The following TSNAX variants were observed in gnomAD, a reference collection of about 807,000 sequenced individuals.
The protein encoded by TSNAX is translin-associated protein X.
A neutral mutation model predicts 33.0 loss-of-function variants in TSNAX; 12 were observed. That is an observed-to-expected ratio of 0.36 (90% CI 0.23 to 0.59). The LOEUF (loss-of-function observed/expected upper bound fraction) is 0.59. TSNAX is among the 20% of genes least tolerant of loss of function. TSNAX has a pLI of 0.74. For missense variants in TSNAX, 267 were observed against 341.3 expected (o/e 0.78, Z 1.72); for synonymous variants, 110 against 117.2 (o/e 0.94, Z 0.40).
chr1:231,532,619 TAATA>T (rs1053242236), intron 2 of TSNAX, among the ~76,000 whole-genome samples: 3 of 152,194 alleles, frequency 2.0e-5, no homozygotes, highest in African/African-American at 7.2e-5. Flanking sequence ...TTTATATTAT[TAATA>T]TATGTGGTTA....
At chr1:231,556,120 T>C (rs1257269111) in intron 4 of TSNAX, among the ~76,000 whole-genome samples, 1 of 152,214 alleles carries the variant, frequency 6.6e-6, no homozygotes, top group African/African-American at 2.4e-5. Context: ...CATTTGTCCA[T>C]GGAAGAAAAA....
intron 4 of TSNAX, among the ~76,000 whole-genome samples, chr1:231,558,733 A>C (rs1177206383): frequency 6.6e-6 from 1 of 152,144 alleles, no homozygotes; most frequent in African/African-American, 2.4e-5. Flanking sequence ...GGTGTCACCT[A>C]TTCATAAAAC....
chr1:231,561,196 GA>G lies in TSNAX; in HGVS notation c.437del (p.Asp146ValfsTer7), dbSNP rs1291666026. 1 of 1,595,100 alleles carries G rather than the reference GA, an allele frequency of 6.3e-7. No individual in the cohort carries two copies. The highest frequency in any genetic ancestry group is 8.6e-7 in the Non-Finnish European group (1 of 1,165,316). ...FIKTRSLISM[D>X]EINKQLIFTT... ...CAAAACACGATCATTAATTAGTATG[GA>G]TGAAATTAATAAACAATTGATATTT... On this transcript the variant is annotated frameshift_variant, in exon 5 of 6. Transcript: ENST00000366639. LOFTEE classifies it high-confidence loss of function.
chr1:231,530,962 T>G (rs74577174), intron 2 of TSNAX, among the ~76,000 whole-genome samples: 5 of 88,552 alleles, frequency 5.6e-5, no homozygotes, highest in South Asian at 5.4e-4. Context: ...GTTTTTTGGT[T>G]TTTTTTTTTT....
intron 4 of TSNAX, among the ~76,000 whole-genome samples, chr1:231,560,752 C>G (rs1436497232): frequency 1.3e-5 from 2 of 151,434 alleles, no homozygotes; most frequent in African/African-American, 4.9e-5. Flanking sequence ...ATTACTTAAA[C>G]TCTTAAAAAA....
chr1:231,547,904 G>C (rs1033198191), intron 4 of TSNAX, among the ~76,000 whole-genome samples: 1 of 140,838 alleles, frequency 7.1e-6, no homozygotes, highest in Non-Finnish European at 1.5e-5. Context: ...GCAGTGGCAC[G>C]ATCTTGGCTC....
intron 4 of TSNAX, among the ~76,000 whole-genome samples, chr1:231,545,863 C>T (rs1468424590): frequency 4.6e-5 from 7 of 152,064 alleles, no homozygotes; most frequent in Non-Finnish European, 8.8e-5. Flanking sequence ...ATATTTTTAC[C>T]ACTTCACAGG....
At chr1:231,550,888 T>G (rs973746477) in intron 4 of TSNAX, among the ~76,000 whole-genome samples, 2 of 152,132 alleles carry the variant, frequency 1.3e-5, no homozygotes, top group African/African-American at 4.8e-5. Flanking sequence ...GATGATACTT[T>G]GCATATCAAA....
At chr1:231,538,720 A>C (rs960817658) in intron 3 of TSNAX, among the ~76,000 whole-genome samples, 1 of 152,148 alleles carries the variant, frequency 6.6e-6, no homozygotes, top group Non-Finnish European at 1.5e-5. Context: ...TTGCCCGGGC[A>C]TGGTGGCTCA....
intron 4 of TSNAX, among the ~76,000 whole-genome samples, chr1:231,549,364 G>A (rs551556200): frequency 2.0e-5 from 3 of 152,296 alleles, no homozygotes; most frequent in East Asian, 1.9e-4. Flanking sequence ...AGGTTGCAAT[G>A]AGCCGAGATT....
At chr1:231,558,351 A>C (rs1273555937) in intron 4 of TSNAX, among the ~76,000 whole-genome samples, 1 of 152,106 alleles carries the variant, frequency 6.6e-6, no homozygotes, top group African/African-American at 2.4e-5. Flanking sequence ...CCAGGCAGAG[A>C]GCTCTTTACA....
rs1222612435 is a variant in TSNAX, at chr1:231,528,694, G to T, written c.-117G>T. On this transcript the variant is annotated 5_prime_UTR_variant, in exon 1 of 6. Coordinates refer to ENST00000366639, the MANE Select transcript of TSNAX (RefSeq NM_005999.3). ...CCGGCCACTGCGTTGTAGTCGGCCC[G>T]GCTGCAAAGCGTTTTTCTGCAGGCT... The T allele has an allele frequency of 1.6e-5, 20 of 1,224,320 alleles. No individual in the cohort carries two copies. In the Admixed American group the frequency reaches 2.5e-4, roughly 15 times the overall value. 75.8% of individuals were successfully genotyped at this position (1,224,320 alleles called of 1,614,324 possible). A position where few individuals can be genotyped will look rare whatever the true frequency, so the allele number is the denominator to read the frequency against.
chr1:231,549,613 C>T (rs1365528017), intron 4 of TSNAX, among the ~76,000 whole-genome samples: 1 of 152,110 alleles, frequency 6.6e-6, no homozygotes, highest in Non-Finnish European at 1.5e-5. Context: ...GGGTCGTGCT[C>T]ATTATTTGGC....
rs533869158 is a variant in TSNAX, at chr1:231,537,162, G to A, written c.122-51G>A. ...ACGTACATCTTAAAAATATTGTTTGGTAGGCTTTGAGTATAGAATATACAT... is the reference window on the plus strand; with the variant it reads ...ACGTACATCTTAAAAATATTGTTTGATAGGCTTTGAGTATAGAATATACAT... On this transcript the variant is annotated intron_variant, in intron 2 of 5. Transcript: ENST00000366639. 158 of 1,371,092 alleles carry A rather than the reference G, an allele frequency of 1.2e-4. 2 individuals carry two copies. The South Asian group carries it at 1.9e-3, about 16-fold the overall frequency. 84.9% of individuals were successfully genotyped at this position (1,371,092 alleles called of 1,614,324 possible).
intron 5 of TSNAX, 44 bp from the exon 6 acceptor site, chr1:231,564,484 T>C: frequency 1.3e-6 from 2 of 1,562,426 alleles, no homozygotes; most frequent in Non-Finnish European, 1.7e-6. Flanking sequence ...TTCTTTCTTG[T>C]GTGTGTGTGT....
intron 4 of TSNAX, 189 bp downstream of exon 4, chr1:231,542,800 G>C (rs1169688089): frequency 9.2e-6 from 5 of 543,704 alleles, no homozygotes; most frequent in Non-Finnish European, 1.6e-5. Context: ...TAACAGTGTA[G>C]TGATGGTCAT....
chr1:231,565,513 C>G lies in TSNAX; in HGVS notation c.*608C>G, dbSNP rs1324947760. The G allele has an allele frequency of 6.6e-6, 1 of 152,454 alleles. No individual in the cohort carries two copies. Among genetic ancestry groups the G allele is most frequent in the Non-Finnish European group, 1.5e-5 (1 of 68,256 alleles). The allele number at this position is 152,454 out of a possible 1,614,324, so 9.4% of individuals were successfully genotyped here. ...GGCCGAGGTAGGCAGATCACGAGGT[C>G]AAGAGATCAAGACCAGCCTGACCAA... is the stretch of plus-strand genomic sequence containing the variant. On this transcript the variant is annotated 3_prime_UTR_variant, in exon 6 of 6. Coordinates refer to ENST00000366639, the MANE Select transcript of TSNAX (RefSeq NM_005999.3).
intron 4 of TSNAX, among the ~76,000 whole-genome samples, chr1:231,559,620 C>T (rs922384798): frequency 1.3e-5 from 2 of 152,002 alleles, no homozygotes; most frequent in South Asian, 2.1e-4. Context: ...GAGCCACCGG[C>T]GCCCGGCCAG....
rs111584867 is a variant in TSNAX at position 231,534,593 on chromosome 1, A to T, written c.122-2620A>T. On this transcript the variant is annotated intron_variant, in intron 2 of 5. Transcript: ENST00000366639. ...CAACTGCATTAGCATACATTTGAAA[A>T]AGTAATAGCAGCAAAATAATAAGAC... 401 of 152,348 alleles carry T rather than the reference A, an allele frequency of 2.6e-3. 1 individual carries two copies. The highest frequency in any genetic ancestry group is 9.2e-3 in the African/African-American group (382 of 41,582). 9.4% of individuals were successfully genotyped at this position (152,348 alleles called of 1,614,324 possible).
Sources: gnomAD v4.1 joint callset for allele counts (sites outside exome capture counted in the v4.1 genomes callset) on GRCh38, gnomAD v4.1.1 for gene constraint, MANE v1.5 for transcripts, NCBI Gene and HGNC (gene_info 2026-07-23, HGNC 2026-07-21) for gene names.